Variants in CCDC136 observed in about 807,000 individuals in gnomAD.
CCDC136 encodes coiled-coil domain containing 136, also known as coiled-coil domain-containing protein 136.
In CCDC136, 100 loss-of-function variants were observed where a neutral mutation model predicts 141.2. That is an observed-to-expected ratio of 0.71 (90% CI 0.60 to 0.84). The LOEUF is 0.84. Among genes scored for constraint, CCDC136 ranks in the 40% least tolerant of loss-of-function variants. CCDC136 has a pLI of 0.00. For synonymous variants in CCDC136, 474 were observed against 531.9 expected, an observed-to-expected ratio of 0.89 and a Z score of 1.50; for missense variants, 1,206 against 1,379.4, an observed-to-expected ratio of 0.87 and a Z score of 1.99.
rs371636549 is a variant in CCDC136, at chr7:128,804,770, G to C, written c.782+9G>C. The C allele has an allele frequency of 3.3e-5, 51 of 1,546,294 alleles. No homozygotes were observed. Among genetic ancestry groups the C allele is most frequent in the Non-Finnish European group, 4.2e-5 (47 of 1,131,360 alleles). On this transcript the variant is annotated intron_variant, in intron 5 of 17. Transcript: ENST00000297788. Reference sequence around the variant, plus strand: ...GATCTGGAGAGTGAGAGGTACAGCTGTCTCTGGAGAGTGAGAGGTCATGGG... The same window carrying C: ...GATCTGGAGAGTGAGAGGTACAGCTCTCTCTGGAGAGTGAGAGGTCATGGG...
chr7:128,811,315 C>G, intron 12 of CCDC136: 1 of 456,736 alleles, frequency 2.2e-6, no homozygotes, highest in Non-Finnish European at 4.4e-6. Flanking sequence ...GCCCAGAGGC[C>G]AGATTCAGAA....
rs192400321 is a variant in CCDC136 at position 128,793,008 on chromosome 7, C to T, written c.16+581C>T. ...CCCTGGAAGGACGCTGGTCCATTTG[C>T]CAGTACTTCCTGTGAAGTGTTGCAC... On this transcript the variant is annotated intron_variant, in intron 1 of 17. Coordinates refer to ENST00000297788, the MANE Select transcript of CCDC136 (RefSeq NM_022742.5). Among the ~76,000 whole-genome samples, 46 of 152,374 alleles carry T rather than the reference C, an allele frequency of 3.0e-4. 1 individual carries two copies. In the South Asian group the frequency reaches 6.4e-3, roughly 21 times the overall value.
At chr7:128,815,339 G>C (rs1162044932) in intron 15 of CCDC136, among the ~76,000 whole-genome samples, 2 of 152,212 alleles carry the variant, frequency 1.3e-5, no homozygotes, top group African/African-American at 4.8e-5. Flanking sequence ...GTAGGGGTGG[G>C]AAGCAACAAT....
At chr7:128,796,704 G>A (rs1332027902) in intron 3 of CCDC136, among the ~76,000 whole-genome samples, 2 of 146,698 alleles carry the variant, frequency 1.4e-5, no homozygotes, top group African/African-American at 2.6e-5. Flanking sequence ...TAGGGCTGTA[G>A]AAATGGAGAT....
At chr7:128,816,829 T>A (rs1302241392) in intron 16 of CCDC136, among the ~76,000 whole-genome samples, 2 of 152,218 alleles carry the variant, frequency 1.3e-5, no homozygotes, top group African/African-American at 4.8e-5. Context: ...AAAAAGCCTC[T>A]TGTGGTGGGA....
intron 3 of CCDC136, among the ~76,000 whole-genome samples, chr7:128,798,038 C>A (rs1395080473): frequency 2.7e-5 from 4 of 150,836 alleles, no homozygotes; most frequent in Non-Finnish European, 5.9e-5. Context: ...CTGCCTCAGC[C>A]TCCCGAGTAG....
In CCDC136 at chr7:128,814,483, C is replaced by A. The variant is rs2307036; in HGVS notation, c.2764-155C>A. Among the ~76,000 whole-genome samples the A allele has an allele frequency of 0.17, 25,365 of 152,068 alleles. 2,476 individuals are homozygous for A. Among genetic ancestry groups the A allele is most frequent in the African/African-American group, 0.27 (11,123 of 41,464 alleles). ...ACTATTTGAGAGGCTCATTTTCCACCGTTGAATATTTTCTTTATTGTCTAC... is the reference window on the plus strand; with the variant it reads ...ACTATTTGAGAGGCTCATTTTCCACAGTTGAATATTTTCTTTATTGTCTAC... On this transcript the variant is annotated intron_variant, in intron 14 of 17. Coordinates refer to ENST00000297788, the MANE Select transcript of CCDC136 (RefSeq NM_022742.5).
Position 128,792,438 on chromosome 7 carries a change from C to A in CCDC136, c.16+11C>A, listed in dbSNP as rs766302365. Reference sequence around the variant, plus strand: ...TGCAAGCTATGGAGGGTGAGTTTTCCCAAAAGGCTTCTTTCTTTCCCCTCC... The same window carrying A: ...TGCAAGCTATGGAGGGTGAGTTTTCACAAAAGGCTTCTTTCTTTCCCCTCC... On this transcript the variant is annotated intron_variant, in intron 1 of 17. Transcript: ENST00000297788. The A allele has an allele frequency of 1.3e-6, 2 of 1,598,328 alleles. No homozygotes were observed. The highest frequency in any genetic ancestry group is 4.5e-5 in the East Asian group (2 of 44,172).
intron 15 of CCDC136, among the ~76,000 whole-genome samples, 170 bp from the exon 16 acceptor site, chr7:128,815,444 G>A (rs1806440890): frequency 6.6e-6 from 1 of 152,170 alleles, no homozygotes; most frequent in Non-Finnish European, 1.5e-5. Flanking sequence ...GAGGTGTGAT[G>A]CCCTCTACAT....
In CCDC136 at chr7:128,792,393, G is replaced by T; in HGVS notation, c.-19G>T. ...AGAGGAAGAAGGGCCAACGCTGGGG[G>T]TCCCTGGAACGACGGGGGATGCAAG... On this transcript the variant is annotated 5_prime_UTR_variant, in exon 1 of 18. Coordinates refer to ENST00000297788, the MANE Select transcript of CCDC136 (RefSeq NM_022742.5). 1 of 1,611,268 alleles carries T rather than the reference G, an allele frequency of 6.2e-7. No homozygotes were observed.
Position 128,809,459 on chromosome 7 carries a change from C to T in CCDC136, c.1615C>T (p.Leu539=), listed in dbSNP as rs998085913. 3 of 1,536,232 alleles carry T rather than the reference C, an allele frequency of 2.0e-6. No homozygotes were observed. Among genetic ancestry groups the T allele is most frequent in the East Asian group, 2.5e-5 (1 of 40,534 alleles). The part of the protein sequence containing the change: ...KGKCANKCDT[L]LSRLTELQEK... The stretch of plus-strand genomic sequence containing the variant: ...CCGCCCCCACCCACAGTGTGACACA[C>T]TGCTGTCCAGACTGACAGAATTGCA... The change falls in exon 11 of 18, where the codon CTG becomes TTG. Residue 539 remains leucine, a synonymous_variant. Coordinates refer to ENST00000297788, the MANE Select transcript of CCDC136 (RefSeq NM_022742.5).
Position 128,817,107 on chromosome 7 carries a change from A to G in CCDC136, c.3364-651A>G, listed in dbSNP as rs1418663340. Among the ~76,000 whole-genome samples, 1 of 152,064 alleles carries G rather than the reference A, an allele frequency of 6.6e-6. No homozygotes were observed. The highest frequency in any genetic ancestry group is 1.9e-4 in the East Asian group (1 of 5,204). On this transcript the variant is annotated intron_variant, in intron 16 of 17. Coordinates refer to ENST00000297788, the MANE Select transcript of CCDC136 (RefSeq NM_022742.5). The surrounding 1 kb of genome is among the most constrained non-coding windows in gnomAD (Gnocchi z 4.6). ...GACCTGATTTTTCTACTTCAAATAT[A>G]TTCTATGTTTCTATATATGGAGAGA...
rs149502865 is a variant in CCDC136 at position 128,796,722 on chromosome 7, A to AATAT, written c.346+1969_346+1972dup. On this transcript the variant is annotated intron_variant, in intron 3 of 17. Transcript: ENST00000297788. ...GGCTGTAGAAATGGAGATGATTCAG[A>AATAT]ATATATATATATATATATTCTTTTT... Among the ~76,000 whole-genome samples, 48 of 120,722 alleles carry AATAT rather than the reference A, an allele frequency of 4.0e-4. 3 individuals are homozygous for AATAT. Among genetic ancestry groups the AATAT allele is most frequent in the African/African-American group, 1.8e-3 (41 of 23,368 alleles). 79.2% of individuals were successfully genotyped at this position (120,722 alleles called of 152,430 possible).
rs1383949932 is a variant in CCDC136 at position 128,809,204 on chromosome 7, T to G, written c.1606-246T>G. The G allele has an allele frequency of 7.0e-6, 3 of 427,588 alleles. No individual in the cohort carries two copies. In the Admixed American group the frequency reaches 1.3e-4, roughly 18 times the overall value. 26.5% of individuals were successfully genotyped at this position (427,588 alleles called of 1,614,324 possible). ...CCATCAAACTGCCCCCAGAAAGGAA[T>G]GGTGGAAGTTTAGAGCAAGGCCAGC... On this transcript the variant is annotated intron_variant, in intron 10 of 17. Coordinates refer to ENST00000297788, the MANE Select transcript of CCDC136 (RefSeq NM_022742.5).
At chr7:128,814,562 T>C (rs1585119760) in intron 14 of CCDC136, 76 bp from the exon 15 acceptor site, 1 of 1,214,738 alleles carries the variant, frequency 8.2e-7, no homozygotes, top group East Asian at 2.4e-5. Context: ...CAAGCAGGGC[T>C]GAGTTTGGTT....
Position 128,806,550 on chromosome 7 carries a change from C to T in CCDC136, c.1249-138C>T, listed in dbSNP as rs549072891. The T allele has an allele frequency of 4.8e-6, 5 of 1,046,870 alleles. No homozygotes were observed. In the African/African-American group the frequency reaches 4.8e-5, roughly 10 times the overall value. 64.8% of individuals were successfully genotyped at this position (1,046,870 alleles called of 1,614,324 possible). A position where few individuals can be genotyped will look rare whatever the true frequency, so the allele number is the denominator to read the frequency against. ...GAACTCCAGCCCTGCTCGAGTACTA[C>T]ATTAGATATGAGGACATTAGGAAGT... On this transcript the variant is annotated intron_variant, in intron 8 of 17. Coordinates refer to ENST00000297788, the MANE Select transcript of CCDC136 (RefSeq NM_022742.5).
chr7:128,803,519 G>T (rs1032848692), intron 4 of CCDC136, among the ~76,000 whole-genome samples: 1 of 152,092 alleles, frequency 6.6e-6, no homozygotes, highest in African/African-American at 2.4e-5. Flanking sequence ...AGGCTTGGTG[G>T]TGTGTGCCTG....
At chr7:128,812,997 C>T (rs1806023771) in intron 14 of CCDC136, 68 bp downstream of exon 14, 1 of 1,044,112 alleles carries the variant, frequency 9.6e-7, no homozygotes, top group African/African-American at 1.6e-5. Flanking sequence ...ATGGCCACTT[C>T]ATAGAGGCTA....
rs1585045639 is a variant in CCDC136, at chr7:128,794,182, C to T, written c.17-166C>T. On this transcript the variant is annotated intron_variant, in intron 1 of 17. Coordinates refer to ENST00000297788, the MANE Select transcript of CCDC136 (RefSeq NM_022742.5). The surrounding 1 kb of genome is among the most constrained non-coding windows in gnomAD (Gnocchi z 4.3). ...GCTGCTTCTCAACTTGACTCTCACA[C>T]CTGAGGACTCATCTTGAGTACAGGT... 4 of 872,914 alleles carry T rather than the reference C, an allele frequency of 4.6e-6. No individual in the cohort carries two copies. The highest frequency in any genetic ancestry group is 7.4e-6 in the Non-Finnish European group (4 of 540,882). 54.1% of individuals were successfully genotyped at this position (872,914 alleles called of 1,614,324 possible).
Sources: gnomAD v4.1 joint callset for allele counts (sites outside exome capture counted in the v4.1 genomes callset) on GRCh38, gnomAD v4.1.1 for gene constraint, Gnocchi (gnomAD v3.1) non-coding constraint, MANE v1.5 for transcripts, NCBI Gene and HGNC (gene_info 2026-07-23, HGNC 2026-07-21) for gene names.